Variants in DYRK1A observed in about 807,000 individuals in gnomAD.
The protein encoded by DYRK1A is dual specificity tyrosine-phosphorylation-regulated kinase 1A.
In DYRK1A, 9 loss-of-function variants were observed where a neutral mutation model predicts 79.7. That is an observed-to-expected ratio of 0.11 (90% confidence interval 0.07 to 0.20). The LOEUF is 0.20. Among genes scored for constraint, DYRK1A ranks in the 10% least tolerant of loss-of-function variants. DYRK1A has a pLI of 1.00. For missense variants in DYRK1A, 622 were observed against 956.0 expected (o/e 0.65, Z 4.61); for synonymous variants, 349 against 329.7 (o/e 1.06, Z -0.63).
chr21:37,516,263 T>C lies in DYRK1A; in HGVS notation c.*3732T>C, dbSNP rs972455636. Reference sequence around the variant, plus strand: ...GCTATATATGAAGGAAGTTTGAAAATGTAATGGGGACAAAAGCCGTGCGTG... The same window carrying C: ...GCTATATATGAAGGAAGTTTGAAAACGTAATGGGGACAAAAGCCGTGCGTG... On this transcript the variant is annotated 3_prime_UTR_variant, in exon 12 of 12. Coordinates refer to ENST00000647188, the MANE Select transcript of DYRK1A (RefSeq NM_001347721.2). The C allele has an allele frequency of 3.3e-5, 5 of 152,024 alleles. No homozygotes were observed. The highest frequency in any genetic ancestry group is 7.4e-5 in the Non-Finnish European group (5 of 68,010). The allele number at this position is 152,024 out of a possible 1,614,324, so 9.4% of individuals were successfully genotyped here.
chr21:37,473,473 A>G (rs1475765434), intron 3 of DYRK1A, among the ~76,000 whole-genome samples: 1 of 152,074 alleles, frequency 6.6e-6, no homozygotes. Flanking sequence ...TGTATTTTTA[A>G]TATCTTTCTA....
intron 2 of DYRK1A, among the ~76,000 whole-genome samples, chr21:37,458,299 T>TGTGTGTGTGTGTGTGTGTGTGTGC (rs886271557): frequency 3.3e-5 from 5 of 151,570 alleles, no homozygotes; most frequent in African/African-American, 1.2e-4. Flanking sequence ...TGTGTGTGTG[T>TGTGTGTGTGTGTGTGTGTGTGTGC]GTGTGTGTAC....
intron 2 of DYRK1A, among the ~76,000 whole-genome samples, chr21:37,424,967 TA>T (rs1449765777): frequency 6.6e-6 from 1 of 152,230 alleles, no homozygotes. Flanking sequence ...AAGAATCTCT[TA>T]TTTTGGAACA....
chr21:37,448,230 T>C (rs1403848369), intron 2 of DYRK1A, among the ~76,000 whole-genome samples: 1 of 152,202 alleles, frequency 6.6e-6, no homozygotes, highest in Admixed American at 6.5e-5. Context: ...AGTTGATGAG[T>C]TGACATTGTT....
In DYRK1A at chr21:37,380,755, T is replaced by C. The variant is rs371009432; in HGVS notation, c.-77+13127T>C. The stretch of plus-strand genomic sequence containing the variant: ...AAAAAAAACCTACACAATTATTTGA[T>C]GATTTATTATGACTTTTGGGGTAGA... On this transcript the variant is annotated intron_variant, in intron 1 of 11. Coordinates refer to ENST00000647188, the MANE Select transcript of DYRK1A (RefSeq NM_001347721.2). 1.5e-4 allele frequency among the ~76,000 whole-genome samples: 23 copies of C among 152,052 alleles called. No individual in the cohort carries two copies. In the East Asian group the frequency reaches 4.1e-3, roughly 27 times the overall value.
chr21:37,460,817 T>C (rs2051815158), intron 2 of DYRK1A, among the ~76,000 whole-genome samples: 1 of 152,220 alleles, frequency 6.6e-6, no homozygotes, highest in African/African-American at 2.4e-5. Flanking sequence ...TATTATCTGC[T>C]TTATTCATTC....
chr21:37,417,392 C>T (rs1254822356), intron 1 of DYRK1A, among the ~76,000 whole-genome samples: 1 of 151,880 alleles, frequency 6.6e-6, no homozygotes, highest in Non-Finnish European at 1.5e-5. Flanking sequence ...TGGGGTTTCT[C>T]CATGTTGATC....
intron 11 of DYRK1A, 56 bp downstream of exon 11, chr21:37,506,279 G>C: frequency 6.2e-7 from 1 of 1,613,584 alleles, no homozygotes; most frequent in Non-Finnish European, 8.5e-7. Context: ...AGGTGGAGCA[G>C]CACTGGATGC....
chr21:37,391,386 C>T (rs571799002), intron 1 of DYRK1A, among the ~76,000 whole-genome samples: 52 of 152,320 alleles, frequency 3.4e-4, no homozygotes, highest in Non-Finnish European at 4.9e-4. Context: ...GTGCCATCTT[C>T]TATCCATTGT....
At position 37,513,960 on chromosome 21, in the gene DYRK1A, CTGT is replaced by C. The variant is rs1422559745; in HGVS notation, c.*1435_*1437del. On this transcript the variant is annotated 3_prime_UTR_variant, in exon 12 of 12. Coordinates refer to ENST00000647188, the MANE Select transcript of DYRK1A (RefSeq NM_001347721.2). ...TACTATTGCTTAAACAAAACTGGAA[CTGT>C]TGTTGAATCCATAGCCAATACATTT... The C allele has an allele frequency of 6.6e-6, 1 of 152,568 alleles. No homozygotes were observed. The highest frequency in any genetic ancestry group is 1.9e-4 in the East Asian group (1 of 5,202). The allele number at this position is 152,568 out of a possible 1,614,324, so 9.5% of individuals were successfully genotyped here.
At chr21:37,382,532 C>G (rs188258963) in intron 1 of DYRK1A, among the ~76,000 whole-genome samples, 1 of 152,270 alleles carries the variant, frequency 6.6e-6, no homozygotes, top group Non-Finnish European at 1.5e-5. Flanking sequence ...TTTCTGGTAA[C>G]ATAGGGAGTG....
chr21:37,509,487 C>T (rs542203224), intron 11 of DYRK1A, among the ~76,000 whole-genome samples: 8 of 152,300 alleles, frequency 5.3e-5, no homozygotes, highest in African/African-American at 1.9e-4. Flanking sequence ...TGCTCTTTAG[C>T]CCAGGCTGGA....
At chr21:37,406,247 G>A (rs1433239228) in intron 1 of DYRK1A, among the ~76,000 whole-genome samples, 1 of 152,010 alleles carries the variant, frequency 6.6e-6, no homozygotes, top group Non-Finnish European at 1.5e-5. Context: ...AGTGTTTACT[G>A]GTTAATTTTT....
intron 7 of DYRK1A, among the ~76,000 whole-genome samples, chr21:37,492,607 A>G (rs940993009): frequency 2.6e-5 from 4 of 152,230 alleles, no homozygotes; most frequent in African/African-American, 9.6e-5. Flanking sequence ...TGAGAAATAC[A>G]TTGTTTGGGT....
intron 2 of DYRK1A, among the ~76,000 whole-genome samples, chr21:37,458,812 G>A (rs773728915): frequency 3.3e-5 from 5 of 152,188 alleles, no homozygotes; most frequent in Non-Finnish European, 7.3e-5. Context: ...CTTCATAAAG[G>A]GCATTTTGAG....
intron 3 of DYRK1A, among the ~76,000 whole-genome samples, chr21:37,476,908 T>C (rs1426388529): frequency 6.7e-6 from 1 of 149,496 alleles, no homozygotes; most frequent in African/African-American, 2.5e-5. Context: ...ATTTGCCCTC[T>C]GGGTAACAAC....
chr21:37,432,974 TAAAAA>T (rs1301962561), intron 2 of DYRK1A, among the ~76,000 whole-genome samples: 1 of 114,944 alleles, frequency 8.7e-6, no homozygotes, highest in Non-Finnish European at 1.8e-5. Context: ...AAACTCCATC[TAAAAA>T]AAAAAAAAAA....
At chr21:37,488,176 GATC>G (rs2052941376) in intron 6 of DYRK1A, 1 of 185,156 alleles carries the variant, frequency 5.4e-6, no homozygotes. Context: ...TGACATTAAT[GATC>G]ATATTATTAA....
At chr21:37,413,547 C>G (rs1032280495) in intron 1 of DYRK1A, among the ~76,000 whole-genome samples, 1 of 152,106 alleles carries the variant, frequency 6.6e-6, no homozygotes, top group Non-Finnish European at 1.5e-5. Flanking sequence ...TTGCAGGTTA[C>G]TGATTGAACA....
Sources: allele counts gnomAD v4.1 joint callset (sites outside exome capture counted in the v4.1 genomes callset), GRCh38; gene constraint gnomAD v4.1.1; transcripts MANE v1.5; gene names NCBI Gene and HGNC (gene_info 2026-07-23, HGNC 2026-07-21).